Variants in LRRC4C observed in about 807,000 individuals in gnomAD.
LRRC4C encodes the protein leucine-rich repeat-containing protein 4C.
Under a neutral mutation model 33.6 loss-of-function variants are expected in LRRC4C, and 5 were observed. The observed-to-expected ratio is 0.15, with a 90% CI of 0.08 to 0.31. LRRC4C has a LOEUF of 0.31. LRRC4C is among the 10% of genes least tolerant of loss of function. LRRC4C has a pLI of 1.00. For missense variants in LRRC4C, 560 were observed against 796.7 expected (o/e 0.70, Z 3.58); for synonymous variants, 329 against 302.0 (o/e 1.09, Z -0.93).
intron 3 of LRRC4C, among the ~76,000 whole-genome samples, chr11:40,575,590 T>G (rs1958159709): frequency 6.6e-6 from 1 of 152,178 alleles, no homozygotes; most frequent in African/African-American, 2.4e-5. Flanking sequence ...AAATACTTGA[T>G]TTCTAGTCTG....
chr11:41,383,719 C>A (rs1953245563), intron 1 of LRRC4C, among the ~76,000 whole-genome samples: 1 of 151,640 alleles, frequency 6.6e-6, no homozygotes, highest in South Asian at 2.1e-4. Context: ...CAGGGCAGAG[C>A]ATTTCATGAT....
At chr11:41,441,608 T>C (rs1955621580) in intron 1 of LRRC4C, among the ~76,000 whole-genome samples, 1 of 76,324 alleles carries the variant, frequency 1.3e-5, no homozygotes, top group African/African-American at 4.0e-5. Flanking sequence ...TTTATTTTTT[T>C]CCAGTTAAAA....
At chr11:41,133,461 C>T (rs556293334) in intron 1 of LRRC4C, among the ~76,000 whole-genome samples, 11 of 151,650 alleles carry the variant, frequency 7.3e-5, no homozygotes, top group Admixed American at 6.6e-5. Flanking sequence ...TTATAAACTA[C>T]ATATAAAATC....
intron 2 of LRRC4C, among the ~76,000 whole-genome samples, chr11:40,672,955 G>A (rs1944206029): frequency 2.0e-5 from 3 of 151,812 alleles, no homozygotes; most frequent in African/African-American, 7.3e-5. Flanking sequence ...TCCTAATTTT[G>A]TGAGGTCATA....
intron 4 of LRRC4C, among the ~76,000 whole-genome samples, chr11:40,281,719 G>C (rs567861889): frequency 2.0e-5 from 3 of 151,978 alleles, no homozygotes; most frequent in Non-Finnish European, 4.4e-5. Context: ...TCAGCTGCAC[G>C]GACAATAAGA....
intron 1 of LRRC4C, among the ~76,000 whole-genome samples, chr11:41,329,004 T>G (rs1951210412): frequency 6.6e-6 from 1 of 152,166 alleles, no homozygotes; most frequent in African/African-American, 2.4e-5. Flanking sequence ...TTAAATATAA[T>G]GCCCCATTTA....
At chr11:41,387,628 T>G (rs1265472858) in intron 1 of LRRC4C, among the ~76,000 whole-genome samples, 1 of 151,764 alleles carries the variant, frequency 6.6e-6, no homozygotes, top group African/African-American at 2.4e-5. Flanking sequence ...AAAATCAGAA[T>G]GGAAAAGTCC....
At chr11:40,375,576 C>A (rs1948626241) in intron 3 of LRRC4C, among the ~76,000 whole-genome samples, 2 of 152,188 alleles carry the variant, frequency 1.3e-5, no homozygotes, top group South Asian at 4.2e-4. Flanking sequence ...GCTAGGTGGA[C>A]ATGAAAAGGT....
chr11:40,871,098 C>T (rs1407361588), intron 2 of LRRC4C, among the ~76,000 whole-genome samples: 1 of 152,054 alleles, frequency 6.6e-6, no homozygotes, highest in Non-Finnish European at 1.5e-5. Flanking sequence ...GAGGAAATTC[C>T]CGCCTAATAA....
intron 2 of LRRC4C, among the ~76,000 whole-genome samples, chr11:40,888,905 A>G (rs2136090302): frequency 6.6e-6 from 1 of 152,110 alleles, no homozygotes; most frequent in African/African-American, 2.4e-5. Flanking sequence ...CTCCTTAAGG[A>G]ATTCTGAACT....
intron 1 of LRRC4C, among the ~76,000 whole-genome samples, chr11:41,055,763 T>C (rs932340414): frequency 6.6e-6 from 1 of 152,138 alleles, no homozygotes; most frequent in African/African-American, 2.4e-5. Flanking sequence ...CAGTAAAGAA[T>C]AGAAGATCTA....
At chr11:41,399,316 C>A (rs1233639000) in intron 1 of LRRC4C, among the ~76,000 whole-genome samples, 1 of 151,884 alleles carries the variant, frequency 6.6e-6, no homozygotes. Flanking sequence ...GAAAACGCAA[C>A]TTTTTGTTAG....
intron 3 of LRRC4C, among the ~76,000 whole-genome samples, chr11:40,616,268 TG>T (rs1275812739): frequency 2.6e-5 from 4 of 151,914 alleles, no homozygotes; most frequent in African/African-American, 9.7e-5. Flanking sequence ...CAACAGGTGC[TG>T]GAGAGGGTGT....
At chr11:41,176,121 T>C (rs1945188103) in intron 1 of LRRC4C, among the ~76,000 whole-genome samples, 1 of 152,188 alleles carries the variant, frequency 6.6e-6, no homozygotes, top group Non-Finnish European at 1.5e-5. Context: ...TATAACTGGA[T>C]TCTATTGCAT....
At chr11:40,625,534 T>C (rs1962846959) in intron 3 of LRRC4C, among the ~76,000 whole-genome samples, 1 of 152,030 alleles carries the variant, frequency 6.6e-6, no homozygotes, top group Non-Finnish European at 1.5e-5. Flanking sequence ...TTCACTTACC[T>C]CCCAAAGGGT....
chr11:40,606,182 T>C (rs1292752351), intron 3 of LRRC4C, among the ~76,000 whole-genome samples: 1 of 152,188 alleles, frequency 6.6e-6, no homozygotes, highest in Non-Finnish European at 1.5e-5. Flanking sequence ...CTAATGAAGC[T>C]TGGCAAATTC....
intron 5 of LRRC4C, among the ~76,000 whole-genome samples, chr11:40,200,215 A>G (rs1005810584): frequency 2.1e-5 from 2 of 96,758 alleles, no homozygotes; most frequent in Admixed American, 1.3e-4. Flanking sequence ...AAAAAAAAAA[A>G]TAGCCATTCT....
intron 3 of LRRC4C, among the ~76,000 whole-genome samples, chr11:40,595,832 G>C (rs1591223521): frequency 6.6e-6 from 1 of 152,186 alleles, no homozygotes; most frequent in Non-Finnish European, 1.5e-5. Context: ...TTTCAGAGGA[G>C]CTAAAAGAGA....
At chr11:41,458,983 C>T (rs571239061) in intron 1 of LRRC4C, among the ~76,000 whole-genome samples, 1 of 152,136 alleles carries the variant, frequency 6.6e-6, no homozygotes, top group South Asian at 2.1e-4. Context: ...AGGGGGAAGT[C>T]TACTATTAAG....
Sources: gnomAD v4.1 joint callset for allele counts (sites outside exome capture counted in the v4.1 genomes callset) on GRCh38, gnomAD v4.1.1 for gene constraint, MANE v1.5 for transcripts, NCBI Gene and HGNC (gene_info 2026-07-23, HGNC 2026-07-21) for gene names.